The following ITGA3 variants were observed in gnomAD, a reference collection of about 807,000 sequenced individuals.
ITGA3 encodes integrin alpha-3.
ITGA3 carries 70 observed loss-of-function variants against 131.1 expected under a neutral mutation model. The ratio of observed to expected loss-of-function variants is 0.53; its 90% CI spans 0.44 to 0.65. ITGA3 has a LOEUF of 0.65. Ranked by LOEUF, ITGA3 falls within the 30% of genes least tolerant of loss-of-function variation. The probability of loss-of-function intolerance (pLI) is 0.00; values close to 1 mark genes in which losing one functional copy is unlikely to be tolerated. For synonymous variants in ITGA3, 537 were observed against 571.6 expected (o/e 0.94, Z 0.86); for missense variants, 1,098 against 1,388.6 (o/e 0.79, Z 3.33).
chr17:50,060,152 C>T (rs1908009617), intron 1 of ITGA3, among the ~76,000 whole-genome samples: 1 of 152,294 alleles, frequency 6.6e-6, no homozygotes, highest in Middle Eastern at 3.4e-3. Flanking sequence ...GGAGCAGGCA[C>T]CCTCCCCACC....
chr17:50,075,050 C>T (rs903390777), intron 10 of ITGA3, among the ~76,000 whole-genome samples: 5 of 152,150 alleles, frequency 3.3e-5, no homozygotes, highest in South Asian at 4.1e-4. Flanking sequence ...GTAATGATGG[C>T]GATGACCCCA....
In ITGA3 at chr17:50,089,259, C is replaced by T. The variant is rs778666178; in HGVS notation, c.*181C>T. 2.5e-6 allele frequency: 4 copies of T among 1,612,992 alleles called. No homozygotes were observed. Among genetic ancestry groups the T allele is most frequent in the South Asian group, 1.1e-5 (1 of 91,034 alleles). ...CCAGCTGGCAGACTCGGGACCAATA[C>T]TACTGACGTCCTCCCTGATCCCACC... On this transcript the variant is annotated 3_prime_UTR_variant, in exon 26 of 26. Coordinates refer to ENST00000320031, the MANE Select transcript of ITGA3 (RefSeq NM_002204.4).
rs895586557 is a variant in ITGA3, at chr17:50,075,456, C to T, written c.1470-3C>T. The T allele has an allele frequency of 5.0e-6, 8 of 1,614,082 alleles. No individual in the cohort carries two copies. The highest frequency in any genetic ancestry group is 6.8e-6 in the Non-Finnish European group (8 of 1,180,022). ...CCCGCCCTCCTGTACATCCCTCCAA[C>T]AGTGTGCAAGTGGAGCTGTGCTTTG... On this transcript the variant is annotated splice_region_variant and splice_polypyrimidine_tract_variant and intron_variant, in intron 10 of 25. Coordinates refer to ENST00000320031, the MANE Select transcript of ITGA3 (RefSeq NM_002204.4).
intron 3 of ITGA3, among the ~76,000 whole-genome samples, chr17:50,066,478 C>T (rs1407865466): frequency 6.6e-6 from 1 of 152,040 alleles, no homozygotes; most frequent in Non-Finnish European, 1.5e-5. Flanking sequence ...AGCAACAATG[C>T]CTGGCTTTTT....
At position 50,064,814 on chromosome 17, in the gene ITGA3, C is replaced by T. The variant is rs762648054; in HGVS notation, c.414+207C>T. On this transcript the variant is annotated intron_variant, in intron 3 of 25. Coordinates refer to ENST00000320031, the MANE Select transcript of ITGA3 (RefSeq NM_002204.4). The surrounding 1 kb of genome is among the most constrained non-coding windows in gnomAD (Gnocchi z 4.4). ...TATCCTGTGCTCTCCCAAACCCCCGCACGGCCTGAGTTCTCTGACTCATCC... is the reference window on the plus strand; with the variant it reads ...TATCCTGTGCTCTCCCAAACCCCCGTACGGCCTGAGTTCTCTGACTCATCC... The T allele has an allele frequency of 3.4e-5, 18 of 523,846 alleles. No individual in the cohort carries two copies. Among genetic ancestry groups the T allele is most frequent in the Admixed American group, 3.2e-4 (9 of 27,806 alleles). 32.4% of individuals were successfully genotyped at this position (523,846 alleles called of 1,614,324 possible).
At position 50,078,054 on chromosome 17, in the gene ITGA3, G is replaced by A. The variant is rs1486925721; in HGVS notation, c.2148G>A (p.Leu716=). The A allele has an allele frequency of 2.5e-6, 4 of 1,611,498 alleles. No homozygotes were observed. The highest frequency in any genetic ancestry group is 3.3e-5 in the Admixed American group (2 of 59,934). The part of the protein sequence containing the change: ...NPFKRNQRME[L]LIAFEVIGVT... Reference sequence around the variant, plus strand: ...CCTGACCCTTGTGGCAGATGGAGCTGCTCATCGCCTTTGAGGTCATCGGGG... The same window carrying A: ...CCTGACCCTTGTGGCAGATGGAGCTACTCATCGCCTTTGAGGTCATCGGGG... Residue 716 remains leucine (L), a synonymous_variant, in exon 17 of 26, where the codon CTG becomes CTA. Transcript: ENST00000320031.
chr17:50,089,255 A>G lies in ITGA3; in HGVS notation c.*177A>G, dbSNP rs1213020777. 1.9e-6 allele frequency: 3 copies of G among 1,612,644 alleles called. No individual in the cohort carries two copies. Among genetic ancestry groups the G allele is most frequent in the African/African-American group, 1.3e-5 (1 of 74,676 alleles). The stretch of plus-strand genomic sequence containing the variant: ...GTGACCAGCTGGCAGACTCGGGACC[A>G]ATACTACTGACGTCCTCCCTGATCC... On this transcript the variant is annotated 3_prime_UTR_variant, in exon 26 of 26. Transcript: ENST00000320031.
In ITGA3 at chr17:50,080,275, G is replaced by A. The variant is rs1426092506; in HGVS notation, c.2720G>A (p.Gly907Glu). The A allele has an allele frequency of 1.2e-6, 2 of 1,610,632 alleles. No individual in the cohort carries two copies. The highest frequency in any genetic ancestry group is 1.3e-5 in the African/African-American group (1 of 74,870). ...TGCCCGCCTCAGACCTGTGCCACAG[G>A]GCGTGCCCACTGTGTGTGGCTAGAG... is the stretch of plus-strand genomic sequence containing the variant. ...KSETVLTCAT[G>E]RAHCVWLECP... Residue 907 changes from glycine (G) to glutamate (E), a missense_variant, in exon 22 of 26, where the codon GGG becomes GAG. Physicochemically the swap from Gly to Glu is moderately conservative, Grantham distance 98 (BLOSUM62 -2). Coordinates refer to ENST00000320031, the MANE Select transcript of ITGA3 (RefSeq NM_002204.4).
At chr17:50,068,814 T>A (rs991341294) in intron 4 of ITGA3, among the ~76,000 whole-genome samples, 24 of 118,704 alleles carry the variant, frequency 2.0e-4, no homozygotes, top group South Asian at 2.8e-4. Context: ...AATCAGTCTT[T>A]TTTATTTATT....
chr17:50,083,985 C>T (rs1018110324), intron 23 of ITGA3, among the ~76,000 whole-genome samples: 3 of 151,114 alleles, frequency 2.0e-5, no homozygotes, highest in Non-Finnish European at 3.0e-5. Context: ...ACCTGTAATC[C>T]CAGCACTTTA....
At chr17:50,066,701 G>A (rs887643869) in intron 3 of ITGA3, among the ~76,000 whole-genome samples, 14 of 152,034 alleles carry the variant, frequency 9.2e-5, no homozygotes, top group African/African-American at 2.4e-4. Flanking sequence ...CTTGAACCCC[G>A]GAGAGAAAGG....
intron 24 of ITGA3, 47 bp from the exon 25 acceptor site, chr17:50,088,178 G>T (rs749798252): frequency 6.5e-7 from 1 of 1,536,132 alleles, no homozygotes; most frequent in South Asian, 1.2e-5. Context: ...GGTGAGGATA[G>T]CCCAGCGCCC....
chr17:50,056,750 A>G lies in ITGA3; in HGVS notation c.206+105A>G. ...CCAGGGCAGCTGGCCCTTGGGAGCC[A>G]GGATTAAGGGGCGGCCCTCTGGCTG... On this transcript the variant is annotated intron_variant, in intron 1 of 25. Coordinates refer to ENST00000320031, the MANE Select transcript of ITGA3 (RefSeq NM_002204.4). This position sits in a 1 kb window ranked among gnomAD's most constrained non-coding sequence, Gnocchi z 5.6. 1 of 1,172,894 alleles carries G rather than the reference A, an allele frequency of 8.5e-7. No individual in the cohort carries two copies. The highest frequency in any genetic ancestry group is 1.2e-6 in the Non-Finnish European group (1 of 838,572). The allele number at this position is 1,172,894 out of a possible 1,614,324, so 72.7% of individuals were successfully genotyped here. A position where few individuals can be genotyped will look rare whatever the true frequency, so the allele number is the denominator to read the frequency against.
intron 23 of ITGA3, among the ~76,000 whole-genome samples, chr17:50,083,613 A>G (rs1010550189): frequency 2.0e-5 from 3 of 151,498 alleles, no homozygotes; most frequent in East Asian, 1.9e-4. Flanking sequence ...AGTCCCAGCT[A>G]CTTGGGAGGC....
rs531438850 is a variant in ITGA3, at chr17:50,056,847, C to T, written c.206+202C>T. Among the ~76,000 whole-genome samples, 2 of 152,226 alleles carry T rather than the reference C, an allele frequency of 1.3e-5. No individual in the cohort carries two copies. The highest frequency in any genetic ancestry group is 3.9e-4 in the East Asian group (2 of 5,180). ...AATCATTGGCAAGTGCTGACGGGGCCAGAACCTGTCTGGACGCCACCCCTC... is the reference window on the plus strand; with the variant it reads ...AATCATTGGCAAGTGCTGACGGGGCTAGAACCTGTCTGGACGCCACCCCTC... On this transcript the variant is annotated intron_variant, in intron 1 of 25. Transcript: ENST00000320031. This position sits in a 1 kb window ranked among gnomAD's most constrained non-coding sequence, Gnocchi z 5.6.
chr17:50,075,317 C>T, intron 10 of ITGA3, 142 bp from the exon 11 acceptor site: 1 of 771,790 alleles, frequency 1.3e-6, no homozygotes, highest in Admixed American at 2.1e-5. Context: ...ACACCACAGA[C>T]CTGCTTTGTG....
intron 22 of ITGA3, 100 bp from the exon 23 acceptor site, chr17:50,081,210 C>A: frequency 1.4e-6 from 1 of 700,956 alleles, no homozygotes; most frequent in South Asian, 1.8e-5. Context: ...TTTAAGGATG[C>A]TACTTGGTGG....
chr17:50,081,298 C>T lies in ITGA3; in HGVS notation c.2821-12C>T. On this transcript the variant is annotated splice_polypyrimidine_tract_variant and intron_variant, in intron 22 of 25. Coordinates refer to ENST00000320031, the MANE Select transcript of ITGA3 (RefSeq NM_002204.4). The stretch of plus-strand genomic sequence containing the variant: ...CAAGTGTTCCCCTTGACCCACCCCA[C>T]TCCCAATCCAGGATTACAGAGACTT... The T allele has an allele frequency of 1.9e-6, 3 of 1,563,160 alleles. No individual in the cohort carries two copies. The highest frequency in any genetic ancestry group is 2.6e-6 in the Non-Finnish European group (3 of 1,148,166).
At chr17:50,081,457 A>G in intron 23 of ITGA3, 49 bp downstream of exon 23, 2 of 1,330,222 alleles carry the variant, frequency 1.5e-6, no homozygotes, top group Middle Eastern at 3.6e-4. Flanking sequence ...AGAGCTTGAG[A>G]GTACAGGGCA....
Sources: gnomAD v4.1 joint callset for allele counts (sites outside exome capture counted in the v4.1 genomes callset) on GRCh38, gnomAD v4.1.1 for gene constraint, Gnocchi (gnomAD v3.1) non-coding constraint, MANE v1.5 for transcripts, NCBI Gene and HGNC (gene_info 2026-07-23, HGNC 2026-07-21) for gene names.